Variants in PSMD6 observed in about 807,000 individuals in gnomAD.
PSMD6 encodes proteasome 26S subunit, non-ATPase 6.
A neutral mutation model predicts 44.9 loss-of-function variants in PSMD6; 7 were observed. The observed-to-expected ratio is 0.16, with a 90% CI of 0.09 to 0.29. PSMD6 has a LOEUF of 0.29. Among genes scored for constraint, PSMD6 ranks in the 10% least tolerant of loss-of-function variants. The pLI, the probability that PSMD6 is intolerant of heterozygous loss-of-function variation, is 1.00. For synonymous variants in PSMD6, 184 were observed against 172.7 expected, an observed-to-expected ratio of 1.07 and a Z score of -0.51; for missense variants, 420 against 482.6, an observed-to-expected ratio of 0.87 and a Z score of 1.21.
rs370867603 is a variant in PSMD6 at position 64,019,084 on chromosome 3, C to T, written c.498-47G>A. 104 of 1,510,302 alleles carry T rather than the reference C, an allele frequency of 6.9e-5. No homozygotes were observed. The Middle Eastern group carries it at 8.7e-4, about 13-fold the overall frequency. 93.6% of individuals were successfully genotyped at this position (1,510,302 alleles called of 1,614,324 possible). On this transcript the variant is annotated intron_variant, in intron 3 of 7. Coordinates refer to ENST00000295901, the MANE Select transcript of PSMD6 (RefSeq NM_014814.3). ...ATCATAGTCTGGAAACAGACAAGGC[C>T]ACGTTTTAAAAACTTGTCTGTTATT...
At position 64,023,138 on chromosome 3, in the gene PSMD6, G is replaced by A. The variant is rs2076160028; in HGVS notation, c.145+137C>T. The A allele has an allele frequency of 2.8e-6, 4 of 1,423,010 alleles. No homozygotes were observed. The African/African-American group carries it at 4.4e-5, about 16-fold the overall frequency. The allele number at this position is 1,423,010 out of a possible 1,614,324, so 88.1% of individuals were successfully genotyped here. A position where few individuals can be genotyped will look rare whatever the true frequency, so the allele number is the denominator to read the frequency against. On this transcript the variant is annotated intron_variant, in intron 1 of 7. Coordinates refer to ENST00000295901, the MANE Select transcript of PSMD6 (RefSeq NM_014814.3). ...CCCCAAACCAAAGCAAAACCCTAAGGGCCGGAGAAGCCAGGCCTGGTCTCT... is the reference window on the plus strand; with the variant it reads ...CCCCAAACCAAAGCAAAACCCTAAGAGCCGGAGAAGCCAGGCCTGGTCTCT...
chr3:64,019,364 A>G lies in PSMD6; in HGVS notation c.429T>C (p.Tyr143=). The part of the protein sequence containing the change: ...ALGHRLDIVF[Y]LLRIGLFYMD... ...TATAAAATAAGCCAATCCTAAGGAG[A>G]TAGAATACAATATCCAATCGGTGAC... Residue 143 remains tyrosine, a synonymous_variant, in exon 3 of 8, where the codon TAT becomes TAC. Coordinates refer to ENST00000295901, the MANE Select transcript of PSMD6 (RefSeq NM_014814.3). 1 of 1,605,386 alleles carries G rather than the reference A, an allele frequency of 6.2e-7. No homozygotes were observed. The highest frequency in any genetic ancestry group is 2.2e-5 in the East Asian group (1 of 44,838).
Position 64,019,456 on chromosome 3 carries a change from A to G in PSMD6, c.352-15T>C. 3 of 1,607,366 alleles carry G rather than the reference A, an allele frequency of 1.9e-6. No individual in the cohort carries two copies. The highest frequency in any genetic ancestry group is 2.2e-5 in the South Asian group (2 of 89,420). On this transcript the variant is annotated splice_polypyrimidine_tract_variant and intron_variant, in intron 2 of 7. Coordinates refer to ENST00000295901, the MANE Select transcript of PSMD6 (RefSeq NM_014814.3). ...AGAGCTCCCTCCTGTCAAGAAAGCC[A>G]AGGCAATAGGTGAGAAAAGGCTACA...
intron 6 of PSMD6, chr3:64,011,482 T>TA (rs2075949619): frequency 6.6e-6 from 1 of 152,126 alleles, no homozygotes; most frequent in Non-Finnish European, 1.5e-5. Flanking sequence ...GGATTTCATC[T>TA]AAAATGTAAC....
At chr3:64,011,136 C>T in intron 6 of PSMD6, 181 bp from the exon 7 acceptor site, 2 of 509,902 alleles carry the variant, frequency 3.9e-6, no homozygotes, top group Non-Finnish European at 3.4e-6. Flanking sequence ...TCATCATCTA[C>T]TAGAATAAAC....
chr3:64,022,293 G>C (rs756350834), intron 2 of PSMD6, 25 bp downstream of exon 2: 20 of 1,612,476 alleles, frequency 1.2e-5, no homozygotes, highest in Non-Finnish European at 1.7e-5. Flanking sequence ...ACTAACTACA[G>C]AGAGGGAAAA....
In PSMD6 at chr3:64,010,596, C is replaced by CACATTGTGAAGTAAGCTATAAA. The variant is rs2075919716; in HGVS notation, c.*50_*71dup. 1.8e-6 allele frequency: 2 copies of CACATTGTGAAGTAAGCTATAAA among 1,109,698 alleles called. No homozygotes were observed. Among genetic ancestry groups the CACATTGTGAAGTAAGCTATAAA allele is most frequent in the Non-Finnish European group, 2.6e-6 (2 of 765,216 alleles). The allele number at this position is 1,109,698 out of a possible 1,614,324, so 68.7% of individuals were successfully genotyped here. A position where few individuals can be genotyped will look rare whatever the true frequency, so the allele number is the denominator to read the frequency against. On this transcript the variant is annotated 3_prime_UTR_variant, in exon 8 of 8. Coordinates refer to ENST00000295901, the MANE Select transcript of PSMD6 (RefSeq NM_014814.3). ...ATTTATTTTATACAGCTGACCTGGG[C>CACATTGTGAAGTAAGCTATAAA]ACATTGTGAAGTAAGCTATAAAAAT...
At chr3:64,018,570 A>C (rs2076083255) in intron 5 of PSMD6, 29 bp downstream of exon 5, 2 of 1,462,860 alleles carry the variant, frequency 1.4e-6, no homozygotes, top group Middle Eastern at 3.5e-4. Context: ...ATGAAGACAG[A>C]TAATCAAAAA....
At chr3:64,022,613 A>G (rs1309240254) in intron 1 of PSMD6, 90 bp from the exon 2 acceptor site, 1 of 1,580,360 alleles carries the variant, frequency 6.3e-7, no homozygotes, top group Non-Finnish European at 8.6e-7. Flanking sequence ...GCCCCGCCAC[A>G]AGTCATCCAC....
chr3:64,013,718 A>G (rs1344671185), intron 5 of PSMD6, 111 bp from the exon 6 acceptor site: 1 of 958,990 alleles, frequency 1.0e-6, no homozygotes, highest in Non-Finnish European at 1.5e-6. Context: ...ACAAGTATCA[A>G]ATTTCTCACT....
intron 4 of PSMD6, 30 bp from the exon 5 acceptor site, chr3:64,018,737 A>C: frequency 3.3e-6 from 5 of 1,520,276 alleles, no homozygotes; most frequent in African/African-American, 1.4e-5. Flanking sequence ...TATATACAAA[A>C]AAAATGTACA....
intron 6 of PSMD6, chr3:64,012,871 T>C (rs2075982973): frequency 6.6e-6 from 1 of 152,198 alleles, no homozygotes; most frequent in African/African-American, 2.4e-5. Flanking sequence ...TGAAATTACG[T>C]TTTATATTTA....
At chr3:64,011,361 G>A (rs2075945037) in intron 6 of PSMD6, 1 of 153,808 alleles carries the variant, frequency 6.5e-6, no homozygotes, top group African/African-American at 2.4e-5. Context: ...AACAGCAATA[G>A]TATTTACTAA....
chr3:64,022,538 G>A lies in PSMD6; in HGVS notation c.146-15C>T. The A allele has an allele frequency of 6.2e-7, 1 of 1,613,078 alleles. No homozygotes were observed. The highest frequency in any genetic ancestry group is 8.5e-7 in the Non-Finnish European group (1 of 1,179,002). On this transcript the variant is annotated splice_polypyrimidine_tract_variant and intron_variant, in intron 1 of 7. Coordinates refer to ENST00000295901, the MANE Select transcript of PSMD6 (RefSeq NM_014814.3). ...AGGAGCCATGTCTAACATGCAAAAAGAGGGATGTGTGAGTGGGGACACTTG... is the reference window on the plus strand; with the variant it reads ...AGGAGCCATGTCTAACATGCAAAAAAAGGGATGTGTGAGTGGGGACACTTG...
chr3:64,011,381 C>T (rs2075945740), intron 6 of PSMD6: 1 of 148,878 alleles, frequency 6.7e-6, no homozygotes, highest in Admixed American at 6.6e-5. Flanking sequence ...AAACAACGAC[C>T]CTTTCCCTCT....
intron 5 of PSMD6, 95 bp downstream of exon 5, chr3:64,018,504 T>G: frequency 1.1e-6 from 1 of 903,780 alleles, no homozygotes. Flanking sequence ...CACACTACAT[T>G]TCTCAGATAG....
At position 64,018,979 on chromosome 3, in the gene PSMD6, G is replaced by C. The variant is rs1363548502; in HGVS notation, c.556C>G (p.Leu186Val). 2 of 1,612,970 alleles carry C rather than the reference G, an allele frequency of 1.2e-6. No individual in the cohort carries two copies. The highest frequency in any genetic ancestry group is 1.7e-5 in the Admixed American group (1 of 60,018). ...AAATCACGAATAGCCACACAATAAA[G>C]ACCCTGATACACTTTTAGGCGGTTT... is the stretch of plus-strand genomic sequence containing the variant. ...RRNRLKVYQG[L>V]YCVAIRDFKQ... The change falls in exon 4 of 8, where the codon CTT becomes GTT. Residue 186 changes from leucine (L) to valine (V), a missense_variant. Physicochemically the swap from Leu to Val is conservative, Grantham distance 32 (BLOSUM62 1). Around this residue, in one of 4 missense-constraint regions of PSMD6, gnomAD observed 216 missense variants for 227.0 expected, o/e 0.95. Transcript: ENST00000295901.
Position 64,019,280 on chromosome 3 carries a change from C to T in PSMD6, c.497+16G>A. 1 of 1,557,244 alleles carries T rather than the reference C, an allele frequency of 6.4e-7. No homozygotes were observed. The highest frequency in any genetic ancestry group is 8.8e-7 in the Non-Finnish European group (1 of 1,130,032). On this transcript the variant is annotated intron_variant, in intron 3 of 7. Coordinates refer to ENST00000295901, the MANE Select transcript of PSMD6 (RefSeq NM_014814.3). ...TCATAATTTAGAGAAAATATAATCC[C>T]ACCCTTAGAAAGTACCTTTTGGCCT...
intron 5 of PSMD6, 91 bp from the exon 6 acceptor site, chr3:64,013,698 A>AGAT (rs2075998421): frequency 3.5e-6 from 4 of 1,158,704 alleles, no homozygotes; most frequent in Non-Finnish European, 4.7e-6. Context: ...TGAGTCCAAC[A>AGAT]GATAGATGAA....
Sources: allele counts gnomAD v4.1 joint callset, GRCh38; gene constraint gnomAD v4.1.1; regional missense constraint gnomAD v4.1.1; transcripts MANE v1.5; gene names NCBI Gene and HGNC (gene_info 2026-07-23, HGNC 2026-07-21).